Variants in SAP30BP observed in about 807,000 individuals in gnomAD.
The protein encoded by SAP30BP is SAP30 binding protein.
SAP30BP carries 31 observed loss-of-function variants against 46.3 expected under a neutral mutation model. That is an observed-to-expected ratio of 0.67 (90% CI 0.50 to 0.90). SAP30BP has a LOEUF of 0.90. Among genes scored for constraint, SAP30BP ranks in the 40% least tolerant of loss-of-function variants. The probability of loss-of-function intolerance (pLI) is 0.00; values close to 1 mark genes in which losing one functional copy is unlikely to be tolerated. For missense variants in SAP30BP, 312 were observed against 391.0 expected (o/e 0.80, Z 1.70); for synonymous variants, 169 against 144.2 (o/e 1.17, Z -1.23).
chr17:75,676,001 G>A (rs538758922), intron 3 of SAP30BP, among the ~76,000 whole-genome samples: 1 of 152,338 alleles, frequency 6.6e-6, no homozygotes, highest in East Asian at 1.9e-4. Flanking sequence ...TGCAAAGAGT[G>A]GCACTGTGTC....
At chr17:75,694,424 C>T (rs1021702344) in intron 4 of SAP30BP, among the ~76,000 whole-genome samples, 2 of 152,210 alleles carry the variant, frequency 1.3e-5, no homozygotes, top group African/African-American at 4.8e-5. Context: ...AACACGGTAA[C>T]GCTGAGCAGC....
intron 8 of SAP30BP, among the ~76,000 whole-genome samples, chr17:75,704,403 C>T (rs1322808306): frequency 6.6e-6 from 1 of 152,188 alleles, no homozygotes; most frequent in African/African-American, 2.4e-5. Flanking sequence ...TGAATTTTGT[C>T]ATCTTTTAAT....
At chr17:75,697,195 C>T (rs568460372) in intron 4 of SAP30BP, among the ~76,000 whole-genome samples, 222 of 152,336 alleles carry the variant, frequency 1.5e-3, no homozygotes, top group Non-Finnish European at 2.7e-3. Flanking sequence ...CACTCTTTGT[C>T]TCTCTGTCAC....
intron 3 of SAP30BP, among the ~76,000 whole-genome samples, chr17:75,680,747 C>T (rs1249300645): frequency 2.0e-5 from 3 of 152,142 alleles, no homozygotes; most frequent in African/African-American, 7.2e-5. Context: ...AAAGAAATGC[C>T]TAATGGCTGA....
intron 5 of SAP30BP, among the ~76,000 whole-genome samples, chr17:75,702,148 A>G (rs1396796106): frequency 2.6e-5 from 4 of 152,130 alleles, no homozygotes; most frequent in Non-Finnish European, 4.4e-5. Context: ...TTAGCTTCCC[A>G]AGTAGCTGGG....
At chr17:75,699,708 G>A in intron 4 of SAP30BP, 75 bp from the exon 5 acceptor site, 1 of 962,208 alleles carries the variant, frequency 1.0e-6, no homozygotes, top group Non-Finnish European at 1.7e-6. Context: ...CATTTTATGT[G>A]CTTATGTTTT....
At chr17:75,672,432 G>A (rs2059921121) in intron 3 of SAP30BP, among the ~76,000 whole-genome samples, 1 of 152,180 alleles carries the variant, frequency 6.6e-6, no homozygotes, top group Admixed American at 6.5e-5. Flanking sequence ...CATCCTAGTA[G>A]CAGCCAAGAG....
chr17:75,690,724 A>G (rs768482815), intron 3 of SAP30BP: 14 of 456,620 alleles, frequency 3.1e-5, no homozygotes, highest in Non-Finnish European at 6.2e-5. Flanking sequence ...CTCATGGCCC[A>G]GCTTGTTGGA....
chr17:75,679,328 A>G (rs1599112410), intron 3 of SAP30BP: 1 of 152,154 alleles, frequency 6.6e-6, no homozygotes, highest in Non-Finnish European at 1.5e-5. Flanking sequence ...ACTTGTCATC[A>G]ACATCATAAA....
Position 75,683,267 on chromosome 17 carries a change from G to A in SAP30BP, c.265-10173G>A, listed in dbSNP as rs535870499. Among the ~76,000 whole-genome samples the A allele has an allele frequency of 9.5e-4, 143 of 151,232 alleles. No homozygotes were observed. The Middle Eastern group carries it at 0.014, about 14-fold the overall frequency. On this transcript the variant is annotated intron_variant, in intron 3 of 10. Transcript: ENST00000584667. ...TCACCATGTTGGCCAAGCTGGTCTC[G>A]GACTCCTGACCTCAAATGATCTGCC...
chr17:75,684,261 T>C (rs932744594), intron 3 of SAP30BP, among the ~76,000 whole-genome samples: 1 of 152,176 alleles, frequency 6.6e-6, no homozygotes, highest in Admixed American at 6.5e-5. Context: ...CCTCATAGGG[T>C]TATTGTGAGA....
Position 75,667,367 on chromosome 17 carries a change from A to G in SAP30BP, c.-6A>G. ...GAGTGAGCCACGCCCGGGCTGTGGG[A>G]ATAAGATGGCGGGGAAGAAGAATGT... is the stretch of plus-strand genomic sequence containing the variant. On this transcript the variant is annotated 5_prime_UTR_variant, in exon 1 of 11. Coordinates refer to ENST00000584667, the MANE Select transcript of SAP30BP (RefSeq NM_013260.8). 4 of 1,614,098 alleles carry G rather than the reference A, an allele frequency of 2.5e-6. No individual in the cohort carries two copies. Among genetic ancestry groups the G allele is most frequent in the Non-Finnish European group, 3.4e-6 (4 of 1,179,988 alleles).
chr17:75,671,173 T>C (rs2059902507), intron 2 of SAP30BP, among the ~76,000 whole-genome samples: 1 of 152,220 alleles, frequency 6.6e-6, no homozygotes, highest in African/African-American at 2.4e-5. Context: ...TGTGAGCACT[T>C]AGGTGGAGGC....
intron 5 of SAP30BP, among the ~76,000 whole-genome samples, chr17:75,701,326 A>C (rs2060407675): frequency 6.6e-6 from 1 of 152,166 alleles, no homozygotes; most frequent in Non-Finnish European, 1.5e-5. Context: ...TTCCTTGCTA[A>C]GACTGCTCTT....
intron 3 of SAP30BP, among the ~76,000 whole-genome samples, chr17:75,673,254 C>G (rs2059933408): frequency 1.3e-5 from 2 of 152,160 alleles, no homozygotes; most frequent in Non-Finnish European, 2.9e-5. Context: ...ACTGTAAATG[C>G]AACCTGCTTT....
At position 75,667,387 on chromosome 17, in the gene SAP30BP, G is replaced by A. The variant is rs925862948; in HGVS notation, c.15G>A (p.Lys5=). 7.4e-6 allele frequency: 12 copies of A among 1,614,096 alleles called. No individual in the cohort carries two copies. Among genetic ancestry groups the A allele is most frequent in the African/African-American group, 6.7e-5 (5 of 74,926 alleles). ...GTGGGAATAAGATGGCGGGGAAGAA[G>A]AATGTTCTGTCGTCTCTCGCAGTTT... is the stretch of plus-strand genomic sequence containing the variant. MAGK[K]NVLSSLAVYA... The change falls in exon 1 of 11, where the codon AAG becomes AAA. Residue 5 remains lysine, a synonymous_variant. Transcript: ENST00000584667.
intron 3 of SAP30BP, among the ~76,000 whole-genome samples, chr17:75,689,213 A>G (rs904701162): frequency 2.7e-5 from 4 of 147,650 alleles, no homozygotes; most frequent in Non-Finnish European, 5.9e-5. Context: ...CAGTGGCGCA[A>G]TCTCGGCTCA....
chr17:75,681,648 G>C (rs2060078187), intron 3 of SAP30BP, among the ~76,000 whole-genome samples: 1 of 152,222 alleles, frequency 6.6e-6, no homozygotes, highest in Admixed American at 6.5e-5. Context: ...ATTGCATGCA[G>C]GCAGCACTGC....
At chr17:75,696,403 G>T (rs2060319573) in intron 4 of SAP30BP, among the ~76,000 whole-genome samples, 1 of 151,500 alleles carries the variant, frequency 6.6e-6, no homozygotes. Flanking sequence ...AATTAGCCAG[G>T]CATGGTGGTA....
Sources: gnomAD v4.1 joint callset for allele counts (sites outside exome capture counted in the v4.1 genomes callset) on GRCh38, gnomAD v4.1.1 for gene constraint, MANE v1.5 for transcripts, NCBI Gene and HGNC (gene_info 2026-07-23, HGNC 2026-07-21) for gene names.